RREB1: variants seen among roughly 807,000 people sequenced by gnomAD.
RREB1 encodes ras-responsive element-binding protein 1.
RREB1 carries 27 observed loss-of-function variants against 117.8 expected under a neutral mutation model. The observed-to-expected ratio is 0.23, with a 90% CI of 0.17 to 0.32. The LOEUF (loss-of-function observed/expected upper bound fraction) is 0.32, where lower values mean the gene tolerates loss of function less well. Ranked by LOEUF, RREB1 falls within the 10% of genes least tolerant of loss-of-function variation. The pLI is 1.00. For missense variants in RREB1, 2,577 were observed against 2,378.2 expected, an observed-to-expected ratio of 1.08 and a Z score of -1.74; for synonymous variants, 1,298 against 1,026.7, an observed-to-expected ratio of 1.26 and a Z score of -5.05.
chr6:7,182,161 G>A, intron 4 of RREB1, 79 bp downstream of exon 4: 8 of 1,311,922 alleles, frequency 6.1e-6, no homozygotes, highest in Non-Finnish European at 8.5e-6. Context: ...AGTTTCCTAT[G>A]ATAAAACCTT....
At chr6:7,110,626 G>A (rs1327507786) in intron 1 of RREB1, among the ~76,000 whole-genome samples, 1 of 152,138 alleles carries the variant, frequency 6.6e-6, no homozygotes, top group Admixed American at 6.5e-5. Context: ...AGTTTTAAAT[G>A]TGTTAAAAAA....
intron 6 of RREB1, among the ~76,000 whole-genome samples, chr6:7,207,840 C>T (rs987735356): frequency 2.6e-5 from 4 of 152,344 alleles, no homozygotes; most frequent in African/African-American, 9.6e-5. Context: ...AGAACATGGA[C>T]TGATGTTATA....
intron 2 of RREB1, among the ~76,000 whole-genome samples, chr6:7,177,849 A>T (rs915632549): frequency 2.0e-5 from 3 of 152,114 alleles, no homozygotes; most frequent in Non-Finnish European, 4.4e-5. Context: ...CAGCCTCCTG[A>T]GTAGCTGGGA....
At chr6:7,150,275 A>G (rs1763058941) in intron 1 of RREB1, among the ~76,000 whole-genome samples, 1 of 152,192 alleles carries the variant, frequency 6.6e-6, no homozygotes, top group South Asian at 2.1e-4. Context: ...TAATAGATAC[A>G]TTTGAAACAT....
intron 8 of RREB1, among the ~76,000 whole-genome samples, chr6:7,225,778 G>A (rs752314417): frequency 2.0e-5 from 3 of 152,052 alleles, no homozygotes; most frequent in East Asian, 1.9e-4. Flanking sequence ...GAGTCACATC[G>A]CTTCGTATTT....
chr6:7,243,663 T>C (rs185194091), intron 11 of RREB1, among the ~76,000 whole-genome samples: 136 of 152,274 alleles, frequency 8.9e-4, no homozygotes, highest in African/African-American at 3.2e-3. Context: ...CTCCCCCTAG[T>C]GGGAGTTTGG....
At chr6:7,206,952 G>A (rs1766308495) in intron 6 of RREB1, among the ~76,000 whole-genome samples, 1 of 152,196 alleles carries the variant, frequency 6.6e-6, no homozygotes, top group African/African-American at 2.4e-5. Context: ...GCAGATAGGT[G>A]GAAGCCAGAT....
chr6:7,246,930 C>A lies in RREB1; in HGVS notation c.4480C>A (p.Pro1494Thr), dbSNP rs1397215816. 6.4e-7 allele frequency: 1 copy of A among 1,557,072 alleles called. No individual in the cohort carries two copies. The highest frequency in any genetic ancestry group is 1.9e-5 in the Admixed American group (1 of 51,538). ...TGCAGAGGAGGGGCCCCAGCCCGCCCCTGAACAGGAGGAGAAGCCCCCCGA... is the reference window on the plus strand; with the variant it reads ...TGCAGAGGAGGGGCCCCAGCCCGCCACTGAACAGGAGGAGAAGCCCCCCGA... ...STAEEGPQPA[P>T]EQEEKPPETP... Residue 1494 changes from proline (P) to threonine (T), a missense_variant, in exon 12 of 13, where the codon CCT becomes ACT. By Grantham distance (38) the Pro-to-Thr change is conservative. Coordinates refer to ENST00000379938, the MANE Select transcript of RREB1 (RefSeq NM_001003699.4).
In RREB1 at chr6:7,232,201, G is replaced by A. The variant is rs116292898; in HGVS notation, c.3808+294G>A. Reference sequence around the variant, plus strand: ...CACAGGCCCTCAGATCACTCATGGCGTCGCCTCATCCCTTCCGGAGGTGGT... The same window carrying A: ...CACAGGCCCTCAGATCACTCATGGCATCGCCTCATCCCTTCCGGAGGTGGT... On this transcript the variant is annotated intron_variant, in intron 10 of 12. Coordinates refer to ENST00000379938, the MANE Select transcript of RREB1 (RefSeq NM_001003699.4). Among the ~76,000 whole-genome samples the A allele has an allele frequency of 3.9e-3, 601 of 152,294 alleles. 4 individuals are homozygous for A. Among genetic ancestry groups the A allele is most frequent in the African/African-American group, 0.014 (565 of 41,556 alleles).
At chr6:7,132,106 G>A (rs951514146) in intron 1 of RREB1, among the ~76,000 whole-genome samples, 3 of 152,168 alleles carry the variant, frequency 2.0e-5, no homozygotes, top group African/African-American at 7.2e-5. Flanking sequence ...CCAGGCTGGA[G>A]TACAATGGTG....
chr6:7,242,016 C>T (rs1768735129), intron 11 of RREB1, among the ~76,000 whole-genome samples: 1 of 152,204 alleles, frequency 6.6e-6, no homozygotes, highest in African/African-American at 2.4e-5. Context: ...AATGTTTAAC[C>T]ATCAGCCGCC....
chr6:7,142,567 G>C (rs780705380), intron 1 of RREB1, among the ~76,000 whole-genome samples: 3 of 152,268 alleles, frequency 2.0e-5, no homozygotes, highest in Admixed American at 6.5e-5. Context: ...AGTGTGCCCT[G>C]CCTTAGTCTG....
intron 1 of RREB1, among the ~76,000 whole-genome samples, chr6:7,110,296 C>G (rs1316164574): frequency 6.6e-6 from 1 of 152,160 alleles, no homozygotes; most frequent in Non-Finnish European, 1.5e-5. Context: ...GGTATAGTTT[C>G]TAAGACATAT....
chr6:7,141,039 C>T (rs1335079918), intron 1 of RREB1, among the ~76,000 whole-genome samples: 2 of 152,234 alleles, frequency 1.3e-5, no homozygotes, highest in Admixed American at 6.5e-5. Context: ...GCCGGCGGCC[C>T]TCCCAGGGCC....
intron 12 of RREB1, among the ~76,000 whole-genome samples, chr6:7,248,101 C>T (rs558654317): frequency 1.3e-5 from 2 of 152,350 alleles, no homozygotes; most frequent in South Asian, 2.1e-4. Context: ...TGCACCACAT[C>T]GCAATGCAGA....
chr6:7,133,585 G>A (rs1012425114), intron 1 of RREB1, among the ~76,000 whole-genome samples: 1 of 152,014 alleles, frequency 6.6e-6, no homozygotes, highest in African/African-American at 2.4e-5. Flanking sequence ...ATGAATGAAT[G>A]TTCTTATTCA....
At chr6:7,109,802 G>T (rs1044033435) in intron 1 of RREB1, among the ~76,000 whole-genome samples, 6 of 152,178 alleles carry the variant, frequency 3.9e-5, no homozygotes, top group Admixed American at 2.0e-4. Flanking sequence ...CACTTTGGAG[G>T]GGTTTTCTTC....
At chr6:7,161,791 C>G (rs749904422) in intron 1 of RREB1, among the ~76,000 whole-genome samples, 1 of 152,196 alleles carries the variant, frequency 6.6e-6, no homozygotes, top group Non-Finnish European at 1.5e-5. Context: ...CCTTTTGGTT[C>G]CTTCTCTACA....
intron 1 of RREB1, among the ~76,000 whole-genome samples, chr6:7,142,207 C>T (rs1248138904): frequency 1.3e-5 from 2 of 148,762 alleles, no homozygotes; most frequent in African/African-American, 5.1e-5. Context: ...AAGAGTGAAA[C>T]TCCGTCTTAA....
Sources: allele counts gnomAD v4.1 joint callset (sites outside exome capture counted in the v4.1 genomes callset), GRCh38; gene constraint gnomAD v4.1.1; transcripts MANE v1.5; gene names NCBI Gene and HGNC (gene_info 2026-07-23, HGNC 2026-07-21).